Variants in RPF2 observed in about 807,000 individuals in gnomAD.
RPF2 encodes ribosome production factor 2 homolog, also known as brix domain containing 1.
A neutral mutation model predicts 38.9 loss-of-function variants in RPF2; 21 were observed. That is an observed-to-expected ratio of 0.54 (90% CI 0.38 to 0.78). RPF2 has a LOEUF of 0.78. Ranked by LOEUF, RPF2 falls within the 30% of genes least tolerant of loss-of-function variation. The probability of loss-of-function intolerance (pLI) is 0.00; values close to 1 mark genes in which losing one functional copy is unlikely to be tolerated. For synonymous variants in RPF2, 121 were observed against 126.2 expected, an observed-to-expected ratio of 0.96 and a Z score of 0.28; for missense variants, 314 against 358.1, an observed-to-expected ratio of 0.88 and a Z score of 0.99.
At chr6:111,006,432 C>G (rs1015757540) in intron 6 of RPF2, among the ~76,000 whole-genome samples, 2 of 148,972 alleles carry the variant, frequency 1.3e-5, no homozygotes, top group African/African-American at 5.0e-5. Flanking sequence ...AACAGGGTTT[C>G]ACCATGTTGG....
chr6:110,982,522 A>C, intron 1 of RPF2: 2 of 227,020 alleles, frequency 8.8e-6, no homozygotes, highest in Non-Finnish European at 1.7e-5. Flanking sequence ...ATATCTCTAA[A>C]TCTTAGCTTA....
At chr6:110,987,550 A>T (rs9372285) in intron 2 of RPF2, among the ~76,000 whole-genome samples, 37,621 of 152,122 alleles carry the variant, frequency 0.25, 5,380 homozygotes, top group East Asian at 0.65. Flanking sequence ...AAGCTTTAAA[A>T]GCAGCACAAT....
At chr6:110,986,194 A>G (rs1562365127) in intron 2 of RPF2, among the ~76,000 whole-genome samples, 1 of 152,220 alleles carries the variant, frequency 6.6e-6, no homozygotes, top group Admixed American at 6.5e-5. Context: ...TGGGTCACAT[A>G]GTAACATGAA....
intron 6 of RPF2, among the ~76,000 whole-genome samples, chr6:111,003,529 A>G (rs961606887): frequency 2.6e-5 from 4 of 152,114 alleles, no homozygotes; most frequent in African/African-American, 9.7e-5. Flanking sequence ...AATATTTAAT[A>G]TTAGACTCTA....
Position 111,027,281 on chromosome 6 carries a change from G to A in RPF2, c.*1699G>A, listed in dbSNP as rs1009341406. On this transcript the variant is annotated 3_prime_UTR_variant, in exon 10 of 10. Coordinates refer to ENST00000441448, the MANE Select transcript of RPF2 (RefSeq NM_032194.3). ...CTCTTGCCAGAAAAATGAAGGAGCT[G>A]GTATCATTTATACTTTTTGTTTGAT... The A allele has an allele frequency of 3.3e-5, 5 of 152,092 alleles. No individual in the cohort carries two copies. Among genetic ancestry groups the A allele is most frequent in the African/African-American group, 9.7e-5 (4 of 41,386 alleles). 9.4% of individuals were successfully genotyped at this position (152,092 alleles called of 1,614,324 possible). A position where few individuals can be genotyped will look rare whatever the true frequency, so the allele number is the denominator to read the frequency against.
rs1772117038 is a variant in RPF2 at position 111,016,678 on chromosome 6, T to C, written c.596+822T>C. Among the ~76,000 whole-genome samples the C allele has an allele frequency of 1.6e-5, 2 of 125,018 alleles. 1 individual carries two copies. Among genetic ancestry groups the C allele is most frequent in the Non-Finnish European group, 3.3e-5 (2 of 61,110 alleles). The allele number at this position is 125,018 out of a possible 152,430, so 82.0% of individuals were successfully genotyped here. A position where few individuals can be genotyped will look rare whatever the true frequency, so the allele number is the denominator to read the frequency against. ...ATGCTGTAATTGTGGTTCTTTTTTT[T>C]TTTTCTTTCTTTTTTTTTTTTTTAA... On this transcript the variant is annotated intron_variant, in intron 8 of 9. Transcript: ENST00000441448.
chr6:111,015,962 T>C, intron 8 of RPF2, 106 bp downstream of exon 8: 1 of 808,704 alleles, frequency 1.2e-6, no homozygotes, highest in Non-Finnish European at 2.1e-6. Context: ...GGCCAAAAGG[T>C]TTCTTGGAGA....
At chr6:111,004,107 C>G (rs1339815240) in intron 6 of RPF2, among the ~76,000 whole-genome samples, 1 of 151,920 alleles carries the variant, frequency 6.6e-6, no homozygotes. Flanking sequence ...GCCACCATGC[C>G]CAGCCAGCTC....
At chr6:111,014,358 T>G (rs896313202) in intron 7 of RPF2, among the ~76,000 whole-genome samples, 6 of 152,122 alleles carry the variant, frequency 3.9e-5, no homozygotes, top group African/African-American at 1.4e-4. Flanking sequence ...GGTCTTGATC[T>G]CCTGACCTCA....
chr6:111,019,913 C>CTT, intron 8 of RPF2, among the ~76,000 whole-genome samples: 2 of 144,362 alleles, frequency 1.4e-5, no homozygotes, highest in East Asian at 5.4e-4. Flanking sequence ...CCTTTCTTTT[C>CTT]TTTCTTTTGT....
chr6:111,001,807 C>T (rs1771815832), intron 6 of RPF2, among the ~76,000 whole-genome samples: 1 of 152,190 alleles, frequency 6.6e-6, no homozygotes, highest in Non-Finnish European at 1.5e-5. Flanking sequence ...CTACTCTTTC[C>T]ATTTCACTTC....
intron 3 of RPF2, among the ~76,000 whole-genome samples, chr6:110,991,418 A>ACTC (rs1771618545): frequency 7.1e-6 from 1 of 139,888 alleles, no homozygotes; most frequent in Non-Finnish European, 1.5e-5. Flanking sequence ...TTTTTTTAAC[A>ACTC]CACTTTCTTT....
intron 6 of RPF2, among the ~76,000 whole-genome samples, chr6:111,002,005 C>T (rs1014816660): frequency 6.6e-6 from 1 of 152,140 alleles, no homozygotes; most frequent in African/African-American, 2.4e-5. Context: ...ACCGGCTAGG[C>T]GTGCTGGCTC....
At chr6:110,999,905 T>C in intron 6 of RPF2, 118 bp downstream of exon 6, 1 of 603,088 alleles carries the variant, frequency 1.7e-6, no homozygotes, top group South Asian at 2.2e-5. Flanking sequence ...GTTTTTATTT[T>C]GACATGCTCC....
chr6:110,989,060 TA>T lies in RPF2; in HGVS notation c.194del (p.Lys65ArgfsTer39). 1.3e-6 allele frequency: 2 copies of T among 1,562,990 alleles called. No individual in the cohort carries two copies. The highest frequency in any genetic ancestry group is 1.7e-6 in the Non-Finnish European group (2 of 1,159,994). ...TGAAAAAACCATACGGTGTACTATA[TA>T]AAAAGTAAGTCATGATTTCTTTTAC... The part of the protein sequence containing the change: ...ALKKPYGVLY[K>X]KKNITRPFED... On this transcript the variant is annotated frameshift_variant, in exon 3 of 10. Transcript: ENST00000441448. LOFTEE classifies it high-confidence loss of function.
chr6:111,022,943 G>C (rs972415787), intron 8 of RPF2, among the ~76,000 whole-genome samples: 2 of 152,248 alleles, frequency 1.3e-5, no homozygotes, highest in African/African-American at 4.8e-5. Flanking sequence ...CTGTCGCCCA[G>C]ACTGGAGTGC....
intron 7 of RPF2, among the ~76,000 whole-genome samples, chr6:111,013,310 A>G (rs920103350): frequency 7.2e-5 from 11 of 152,218 alleles, no homozygotes; most frequent in Non-Finnish European, 1.2e-4. Flanking sequence ...TCATGTGTAA[A>G]CAATACTCTG....
chr6:111,025,431 A>T lies in RPF2; in HGVS notation c.770A>T (p.Asp257Val), dbSNP rs1355827839. 6.2e-7 allele frequency: 1 copy of T among 1,606,620 alleles called. No homozygotes were observed. Among genetic ancestry groups the T allele is most frequent in the East Asian group, 2.2e-5 (1 of 44,842 alleles). ...AAGAAGAAGAAAAATATTTCCCATG[A>T]TACTTTTGGTACAACTTATGGAAGG... is the stretch of plus-strand genomic sequence containing the variant. ...KPKKKKNISH[D>V]TFGTTYGRIH... is the part of the protein sequence containing the mutation. Residue 257 changes from aspartate (D) to valine (V), a missense_variant, in exon 10 of 10, where the codon GAT (aspartate) becomes GTT (valine). Coordinates refer to ENST00000441448, the MANE Select transcript of RPF2 (RefSeq NM_032194.3).
chr6:110,994,398 A>C (rs1286218773), intron 4 of RPF2, among the ~76,000 whole-genome samples: 1 of 152,102 alleles, frequency 6.6e-6, no homozygotes, highest in African/African-American at 2.4e-5. Flanking sequence ...CAGCCTAGGC[A>C]ACATATTGAG....
Sources: gnomAD v4.1 joint callset for allele counts (sites outside exome capture counted in the v4.1 genomes callset) on GRCh38, gnomAD v4.1.1 for gene constraint, MANE v1.5 for transcripts, NCBI Gene and HGNC (gene_info 2026-07-23, HGNC 2026-07-21) for gene names.